The following CERS6 variants were observed in gnomAD, a reference collection of about 807,000 sequenced individuals.
CERS6 encodes the protein ceramide synthase 6.
In CERS6, 26 loss-of-function variants were observed where a neutral mutation model predicts 56.8. The ratio of observed to expected loss-of-function variants is 0.46; its 90% CI spans 0.34 to 0.63. The LOEUF (loss-of-function observed/expected upper bound fraction) is 0.63, where lower values mean the gene tolerates loss of function less well. Among genes scored for constraint, CERS6 ranks in the 30% least tolerant of loss-of-function variants. CERS6 has a pLI of 0.01. For synonymous variants in CERS6, 164 were observed against 173.3 expected (o/e 0.95, Z 0.42); for missense variants, 415 against 467.5 (o/e 0.89, Z 1.04).
At chr2:168,567,859 T>C (rs1158786984) in intron 3 of CERS6, among the ~76,000 whole-genome samples, 1 of 152,242 alleles carries the variant, frequency 6.6e-6, no homozygotes, top group East Asian at 1.9e-4. Context: ...CCAGGCACTC[T>C]TCAAAGCTGT....
At chr2:168,680,156 G>C (rs1275502889) in intron 4 of CERS6, among the ~76,000 whole-genome samples, 2 of 152,160 alleles carry the variant, frequency 1.3e-5, no homozygotes, top group South Asian at 2.1e-4. Context: ...AGACAGAGGG[G>C]TCTGAGTAGT....
chr2:168,456,493 C>T lies in CERS6; in HGVS notation c.45C>T (p.Leu15=). 6.2e-7 allele frequency: 1 copy of T among 1,613,956 alleles called. No homozygotes were observed. Among genetic ancestry groups the T allele is most frequent in the Non-Finnish European group, 8.5e-7 (1 of 1,179,884 alleles). The change falls in exon 1 of 10, where the codon CTC becomes CTT. Residue 15 remains leucine, a synonymous_variant. Transcript: ENST00000305747. The surrounding 1 kb of genome is among the most constrained non-coding windows in gnomAD (Gnocchi z 4.1). ...GGTTCTGGAACGAGAGGTTTTGGCT[C>T]CCGCACAATGTCACCTGGGCGGACC... ...LAWFWNERFW[L]PHNVTWADLK...
In CERS6 at chr2:168,462,554, T is replaced by C. The variant is rs575694951; in HGVS notation, c.170+5936T>C. On this transcript the variant is annotated intron_variant, in intron 1 of 9. Coordinates refer to ENST00000305747, the MANE Select transcript of CERS6 (RefSeq NM_203463.3). ...AAGGATGATTCTTTTATTTATTTAC[T>C]TGTTTTTTGGGACAGGGCTTCACTC... Among the ~76,000 whole-genome samples, 364 of 152,338 alleles carry C rather than the reference T, an allele frequency of 2.4e-3. 1 individual carries two copies. The highest frequency in any genetic ancestry group is 4.5e-3 in the Non-Finnish European group (309 of 68,030).
chr2:168,623,663 C>T (rs889288119), intron 3 of CERS6, among the ~76,000 whole-genome samples: 2 of 152,134 alleles, frequency 1.3e-5, no homozygotes, highest in Admixed American at 1.3e-4. Flanking sequence ...CCTAAACAAA[C>T]AAAGGCTGAA....
At chr2:168,545,638 C>T (rs1414191909) in intron 1 of CERS6, among the ~76,000 whole-genome samples, 1 of 151,942 alleles carries the variant, frequency 6.6e-6, no homozygotes, top group African/African-American at 2.4e-5. Context: ...CTAACTTGTC[C>T]TCAGCACTCA....
chr2:168,605,364 G>C (rs757308935), intron 3 of CERS6, among the ~76,000 whole-genome samples: 1 of 152,222 alleles, frequency 6.6e-6, no homozygotes, highest in Non-Finnish European at 1.5e-5. Flanking sequence ...GTGCTCATAT[G>C]TGTGAGCAAA....
rs543104373 is a variant in CERS6 at position 168,558,665 on chromosome 2, C to G, written c.277-2527C>G. 8.5e-5 allele frequency among the ~76,000 whole-genome samples: 13 copies of G among 152,142 alleles called. No individual in the cohort carries two copies. In the East Asian group the frequency reaches 9.6e-4, roughly 11 times the overall value. On this transcript the variant is annotated intron_variant, in intron 2 of 9. Coordinates refer to ENST00000305747, the MANE Select transcript of CERS6 (RefSeq NM_203463.3). ...CGGGTGGATCACAAGGTCAGGAGAT[C>G]GAGACCATCCTGGCTAACACAGTGA...
chr2:168,759,990 C>CA (rs1485143012), intron 8 of CERS6, among the ~76,000 whole-genome samples: 1 of 151,178 alleles, frequency 6.6e-6, no homozygotes, highest in Non-Finnish European at 1.5e-5. Flanking sequence ...CAATATAGTG[C>CA]AAAAAATCTT....
intron 3 of CERS6, among the ~76,000 whole-genome samples, chr2:168,598,342 G>A (rs994037602): frequency 9.9e-5 from 15 of 152,180 alleles, no homozygotes; most frequent in Non-Finnish European, 1.6e-4. Flanking sequence ...TTGGGGGGAA[G>A]AGAAAACATA....
intron 1 of CERS6, among the ~76,000 whole-genome samples, chr2:168,541,281 G>C (rs780472971): frequency 6.6e-6 from 1 of 152,158 alleles, no homozygotes; most frequent in East Asian, 1.9e-4. Context: ...ATGAGGTTTG[G>C]TGGGCACAGA....
intron 1 of CERS6, among the ~76,000 whole-genome samples, chr2:168,458,253 A>G (rs971061549): frequency 5.9e-5 from 9 of 152,204 alleles, no homozygotes; most frequent in African/African-American, 2.2e-4. Flanking sequence ...TCACTTTTAG[A>G]TAGATAATGC....
chr2:168,768,391 G>A (rs1034816262), intron 9 of CERS6, among the ~76,000 whole-genome samples: 71 of 150,272 alleles, frequency 4.7e-4, no homozygotes, highest in Non-Finnish European at 7.9e-4. Flanking sequence ...CACCACACCC[G>A]GCTAATTTTT....
At chr2:168,572,095 C>A (rs73969265) in intron 3 of CERS6, among the ~76,000 whole-genome samples, 1,820 of 152,266 alleles carry the variant, frequency 0.012, 32 homozygotes, top group African/African-American at 0.041. Flanking sequence ...AGGTTAACAG[C>A]AGGATTGGCA....
At chr2:168,558,775 A>G (rs1045320434) in intron 2 of CERS6, among the ~76,000 whole-genome samples, 3 of 152,350 alleles carry the variant, frequency 2.0e-5, no homozygotes, top group East Asian at 1.9e-4. Context: ...ATGCTGAGGC[A>G]GGAGAATGGT....
intron 8 of CERS6, among the ~76,000 whole-genome samples, chr2:168,736,858 C>T (rs1395466111): frequency 6.6e-6 from 1 of 152,222 alleles, no homozygotes; most frequent in East Asian, 1.9e-4. Flanking sequence ...GTCACTCATG[C>T]CTGCCCTTCC....
chr2:168,471,532 G>A (rs1035849892), intron 1 of CERS6, among the ~76,000 whole-genome samples: 1 of 152,164 alleles, frequency 6.6e-6, no homozygotes, highest in Non-Finnish European at 1.5e-5. Context: ...ATAAATTTGA[G>A]TTATTTGGTT....
chr2:168,609,196 A>G (rs1684126406), intron 3 of CERS6, among the ~76,000 whole-genome samples: 2 of 152,102 alleles, frequency 1.3e-5, no homozygotes, highest in Admixed American at 1.3e-4. Context: ...TTGCCTCCCC[A>G]CCTACCCACT....
intron 8 of CERS6, among the ~76,000 whole-genome samples, chr2:168,742,556 A>G (rs1381226913): frequency 6.6e-6 from 1 of 152,230 alleles, no homozygotes; most frequent in Non-Finnish European, 1.5e-5. Flanking sequence ...AGCAGGTCAA[A>G]TGCATGCGAT....
At chr2:168,490,974 C>G (rs1694360838) in intron 1 of CERS6, among the ~76,000 whole-genome samples, 1 of 152,098 alleles carries the variant, frequency 6.6e-6, no homozygotes, top group Non-Finnish European at 1.5e-5. Context: ...GTGAGATGTA[C>G]TTTGTATTCA....
Sources: allele counts gnomAD v4.1 joint callset (sites outside exome capture counted in the v4.1 genomes callset), GRCh38; gene constraint gnomAD v4.1.1; non-coding constraint Gnocchi (gnomAD v3.1); transcripts MANE v1.5; gene names NCBI Gene and HGNC (gene_info 2026-07-23, HGNC 2026-07-21).